Variants in GFRA1 observed in about 807,000 individuals in gnomAD.
GFRA1 encodes the protein GDNF family receptor alpha 1, also known as GDNF family receptor alpha-1.
GFRA1 carries 16 observed loss-of-function variants against 51.6 expected under a neutral mutation model. That is an observed-to-expected ratio of 0.31 (90% CI 0.21 to 0.47). The LOEUF is 0.47. Ranked by LOEUF, GFRA1 falls within the 20% of genes least tolerant of loss-of-function variation. The probability of loss-of-function intolerance (pLI) is 1.00; values close to 1 mark genes in which losing one functional copy is unlikely to be tolerated. For synonymous variants in GFRA1, 270 were observed against 241.3 expected (o/e 1.12, Z -1.10); for missense variants, 530 against 594.3 (o/e 0.89, Z 1.13).
At chr10:116,153,595 G>C (rs1305623969) in intron 5 of GFRA1, among the ~76,000 whole-genome samples, 3 of 152,174 alleles carry the variant, frequency 2.0e-5, no homozygotes, top group African/African-American at 7.2e-5. Context: ...TTAAAAAGTA[G>C]TGGCTTGACC....
chr10:116,226,439 A>G (rs1966297998), intron 4 of GFRA1, among the ~76,000 whole-genome samples: 1 of 152,196 alleles, frequency 6.6e-6, no homozygotes, highest in Non-Finnish European at 1.5e-5. Flanking sequence ...AAGTTCTGCT[A>G]AAAGGGATTT....
At chr10:116,130,086 A>T (rs886483311) in intron 5 of GFRA1, among the ~76,000 whole-genome samples, 10 of 151,422 alleles carry the variant, frequency 6.6e-5, no homozygotes, top group African/African-American at 2.2e-4. Flanking sequence ...CAATGAATAA[A>T]AAAAAAAAGC....
chr10:116,117,169 C>T (rs540176160), intron 6 of GFRA1, among the ~76,000 whole-genome samples: 14 of 152,284 alleles, frequency 9.2e-5, no homozygotes, highest in Admixed American at 4.6e-4. Flanking sequence ...TGAGAGATCA[C>T]GTTTGTGTGG....
In GFRA1 at chr10:116,145,646, T is replaced by A. The variant is rs184237602; in HGVS notation, c.434-20089A>T. Among the ~76,000 whole-genome samples, 13 of 152,332 alleles carry A rather than the reference T, an allele frequency of 8.5e-5. No homozygotes were observed. The East Asian group carries it at 2.5e-3, about 29-fold the overall frequency. On this transcript the variant is annotated intron_variant, in intron 5 of 10. Transcript: ENST00000355422. ...TATTTTATAAGTTAATGTAAAAATG[T>A]ATGAAAGGAGGCAGCTTTCCAAAAT...
chr10:116,103,089 C>T (rs1956879241), intron 6 of GFRA1, among the ~76,000 whole-genome samples: 2 of 152,206 alleles, frequency 1.3e-5, no homozygotes, highest in Admixed American at 1.3e-4. Context: ...ACTTTTCACG[C>T]AGCCTCTCAC....
intron 5 of GFRA1, among the ~76,000 whole-genome samples, chr10:116,181,362 G>A (rs982460731): frequency 3.9e-5 from 6 of 152,098 alleles, no homozygotes; most frequent in Admixed American, 3.9e-4. Flanking sequence ...ACAGGACCAC[G>A]AAGGCCAGAC....
rs534210461 is a variant in GFRA1 at position 116,144,308 on chromosome 10, C to T, written c.434-18751G>A. 5.9e-5 allele frequency among the ~76,000 whole-genome samples: 9 copies of T among 152,170 alleles called. No individual in the cohort carries two copies. In the South Asian group the frequency reaches 6.2e-4, roughly 11 times the overall value. ...ATTCTATCACATTAACTCACTCATT[C>T]ATTCATTCATAGTGTTTACTAACAT... On this transcript the variant is annotated intron_variant, in intron 5 of 10. Transcript: ENST00000355422.
chr10:116,222,216 G>C (rs1423350028), intron 4 of GFRA1, among the ~76,000 whole-genome samples: 1 of 151,912 alleles, frequency 6.6e-6, no homozygotes, highest in Admixed American at 6.6e-5. Flanking sequence ...TATTTATTTT[G>C]GAGATAAAGT....
At chr10:116,069,418 A>G (rs1955271014) in intron 9 of GFRA1, among the ~76,000 whole-genome samples, 2 of 152,298 alleles carry the variant, frequency 1.3e-5, no homozygotes, top group South Asian at 4.1e-4. Flanking sequence ...GATGAAAATT[A>G]TACTAGAGAG....
rs67642059 is a variant in GFRA1 at position 116,128,725 on chromosome 10, C to CAAAAAAA, written c.434-3175_434-3169dup. Among the ~76,000 whole-genome samples, 83 of 87,812 alleles carry CAAAAAAA rather than the reference C, an allele frequency of 9.5e-4. 1 individual carries two copies. The highest frequency in any genetic ancestry group is 3.5e-3 in the African/African-American group (79 of 22,570). 57.6% of individuals were successfully genotyped at this position (87,812 alleles called of 152,430 possible). A position where few individuals can be genotyped will look rare whatever the true frequency, so the allele number is the denominator to read the frequency against. On this transcript the variant is annotated intron_variant, in intron 5 of 10. Transcript: ENST00000355422. Reference sequence around the variant, plus strand: ...TGGGGGACTGAGTGAGACTCTGTCTCAAAAAAAAAAAAAAAAAAAAAAAAA... The same window carrying CAAAAAAA: ...TGGGGGACTGAGTGAGACTCTGTCTCAAAAAAAAAAAAAAAAAAAAAAAAAAAAAAAA...
chr10:116,130,755 C>T (rs2134048624), intron 5 of GFRA1, among the ~76,000 whole-genome samples: 1 of 152,214 alleles, frequency 6.6e-6, no homozygotes, highest in Non-Finnish European at 1.5e-5. Context: ...TCAATCCCTA[C>T]TTCATACCAT....
chr10:116,218,348 G>C (rs547189721), intron 4 of GFRA1, among the ~76,000 whole-genome samples: 12 of 152,308 alleles, frequency 7.9e-5, no homozygotes, highest in African/African-American at 2.9e-4. Flanking sequence ...GAACTGTATG[G>C]GGACAGCTGA....
Position 116,272,036 on chromosome 10 carries a change from G to A in GFRA1, c.-7C>T, listed in dbSNP as rs1028675745. On this transcript the variant is annotated 5_prime_UTR_variant, in exon 2 of 11. Transcript: ENST00000355422. The surrounding 1 kb of genome is among the most constrained non-coding windows in gnomAD (Gnocchi z 4.4). ...ACAGGGTCGCCAGGAACATGGTGCC[G>A]GCGCGGGGCTGGTCCCCGCCCCCCC... The A allele has an allele frequency of 6.4e-7, 1 of 1,554,494 alleles. No homozygotes were observed. Among genetic ancestry groups the A allele is most frequent in the South Asian group, 1.2e-5 (1 of 84,310 alleles).
At chr10:116,168,179 G>A (rs1316266135) in intron 5 of GFRA1, among the ~76,000 whole-genome samples, 6 of 148,624 alleles carry the variant, frequency 4.0e-5, no homozygotes, top group Non-Finnish European at 3.0e-5. Flanking sequence ...ACAGGCAAGT[G>A]TGATTGTCAT....
intron 9 of GFRA1, among the ~76,000 whole-genome samples, chr10:116,069,309 T>C (rs1955263119): frequency 6.6e-6 from 1 of 152,196 alleles, no homozygotes; most frequent in Non-Finnish European, 1.5e-5. Context: ...AACTCTAATT[T>C]ATAGCTATAA....
chr10:116,205,925 A>T (rs1565650511), intron 5 of GFRA1, among the ~76,000 whole-genome samples: 2 of 64,042 alleles, frequency 3.1e-5, no homozygotes, highest in African/African-American at 1.0e-4. Flanking sequence ...TTTTCCTCAT[A>T]TCACACACAC....
Position 116,081,909 on chromosome 10 carries a change from C to A in GFRA1, c.1197+7832G>T, listed in dbSNP as rs1409123849. 2.0e-5 allele frequency among the ~76,000 whole-genome samples: 3 copies of A among 152,268 alleles called. No individual in the cohort carries two copies. In the East Asian group the frequency reaches 5.8e-4, roughly 29 times the overall value. On this transcript the variant is annotated intron_variant, in intron 9 of 10. Transcript: ENST00000355422. ...ATGCTTTCACATATGTTAGTAACAGCTTCAGATGAGTCTCAAAGGCAGTAG... is the reference window on the plus strand; with the variant it reads ...ATGCTTTCACATATGTTAGTAACAGATTCAGATGAGTCTCAAAGGCAGTAG...
intron 3 of GFRA1, among the ~76,000 whole-genome samples, chr10:116,270,156 C>G (rs563737088): frequency 6.6e-6 from 1 of 152,240 alleles, no homozygotes; most frequent in Admixed American, 6.5e-5. Context: ...AACATGAGCC[C>G]CCTCTGGCTT....
intron 6 of GFRA1, among the ~76,000 whole-genome samples, chr10:116,099,563 A>G (rs1165444752): frequency 6.6e-6 from 1 of 152,104 alleles, no homozygotes; most frequent in East Asian, 1.9e-4. Flanking sequence ...CCACTAAAAC[A>G]TCCTTCCTGC....
Sources: gnomAD v4.1 joint callset for allele counts (sites outside exome capture counted in the v4.1 genomes callset) on GRCh38, gnomAD v4.1.1 for gene constraint, Gnocchi (gnomAD v3.1) non-coding constraint, MANE v1.5 for transcripts, NCBI Gene and HGNC (gene_info 2026-07-23, HGNC 2026-07-21) for gene names.